Variants in H3-5 observed in about 807,000 individuals in gnomAD.
H3-5 encodes the protein H3.5 histone.
In H3-5, 9 loss-of-function variants were observed where a neutral mutation model predicts 8.8. The observed-to-expected ratio is 1.03, with a 90% CI of 0.62 to 1.79. The LOEUF (loss-of-function observed/expected upper bound fraction) is 1.79, where lower values mean the gene tolerates loss of function less well. Ranked by LOEUF, H3-5 falls within the 40% of genes most tolerant of loss-of-function variation. The pLI, the probability that H3-5 is intolerant of heterozygous loss-of-function variation, is 0.00. For synonymous variants in H3-5, 82 were observed against 76.1 expected (o/e 1.08, Z -0.40); for missense variants, 173 against 183.8 (o/e 0.94, Z 0.34).
In H3-5 at chr12:31,791,497, C is replaced by T. The variant is rs142261223; in HGVS notation, c.*262G>A. On this transcript the variant is annotated 3_prime_UTR_variant, in exon 1 of 1. Coordinates refer to ENST00000340398, the MANE Select transcript of H3-5 (RefSeq NM_001013699.3). ...GTACCTTAATAGCTACCCAACAAGT[C>T]ATTAACATACAGAAACATGCATCAT... is the stretch of plus-strand genomic sequence containing the variant. 1,926 of 546,466 alleles carry T rather than the reference C, an allele frequency of 3.5e-3. 28 individuals are homozygous for T. Among genetic ancestry groups the T allele is most frequent in the African/African-American group, 0.033 (1,738 of 52,856 alleles). 33.9% of individuals were successfully genotyped at this position (546,466 alleles called of 1,614,324 possible).
At position 31,792,130 on chromosome 12, in the gene H3-5, C is replaced by A; in HGVS notation, c.37G>T (p.Gly13Cys). The A allele has an allele frequency of 1.9e-6, 3 of 1,614,006 alleles. No homozygotes were observed. The highest frequency in any genetic ancestry group is 2.5e-6 in the Non-Finnish European group (3 of 1,179,992). Residue 13 changes from glycine to cysteine, a missense_variant, in exon 1 of 1, where the codon GGT becomes TGT. Gly to Cys is a radical substitution (Grantham distance 159). Coordinates refer to ENST00000340398, the MANE Select transcript of H3-5 (RefSeq NM_001013699.3). ...RTKQTARKST[G>C]GKAPRKQLAT... ...AGCTGTTTGCGGGGGGCTTTCCCAC[C>A]GGTGGATTTACGAGCAGTCTGCTTG...
At position 31,792,227 on chromosome 12, in the gene H3-5, G is replaced by T. The variant is rs753311535; in HGVS notation, c.-61C>A. The T allele has an allele frequency of 6.4e-7, 1 of 1,559,244 alleles. No homozygotes were observed. Among genetic ancestry groups the T allele is most frequent in the Non-Finnish European group, 8.7e-7 (1 of 1,151,398 alleles). Reference sequence around the variant, plus strand: ...CTCCGACCTCCGCGCTGCTTCCGCTGCCCGAGGAAGAGCCGCAGTCGCGAG... The same window carrying T: ...CTCCGACCTCCGCGCTGCTTCCGCTTCCCGAGGAAGAGCCGCAGTCGCGAG... On this transcript the variant is annotated 5_prime_UTR_variant, in exon 1 of 1. Transcript: ENST00000340398.
chr12:31,791,820 C>A lies in H3-5; in HGVS notation c.347G>T (p.Arg116Ile), dbSNP rs1465746571. The A allele has an allele frequency of 3.1e-6, 5 of 1,614,212 alleles. No individual in the cohort carries two copies. The highest frequency in any genetic ancestry group is 4.2e-6 in the Non-Finnish European group (5 of 1,180,046). The change falls in exon 1 of 1, where the codon AGA (arginine) becomes ATA (isoleucine). Residue 116 changes from arginine to isoleucine, a missense_variant. Arg to Ile is a moderately conservative substitution (Grantham distance 97). Coordinates refer to ENST00000340398, the MANE Select transcript of H3-5 (RefSeq NM_001013699.3). Reference protein sequence around the residue: ...DTNLCAIHAKRVTIMPKDIQL... With the variant: ...DTNLCAIHAKIVTIMPKDIQL... The stretch of plus-strand genomic sequence containing the variant: ...GATGTCTTTGGGCATGATGGTGACT[C>A]TCTTAGCGTGGATGGCACACAGGTT...
In H3-5 at chr12:31,792,051, T is replaced by C; in HGVS notation, c.116A>G (p.His39Arg). The change falls in exon 1 of 1, where the codon CAT (histidine) becomes CGT (arginine). Residue 39 changes from histidine to arginine, a missense_variant. By Grantham distance (29) the His-to-Arg change is conservative (BLOSUM62 0). Transcript: ENST00000340398. ...CGCCACGGTCCCAGGCCTGTAGCGA[T>C]GAGGCTTCACCCCGCAGGTAGAGGG... ...STPSTCGVKP[H>R]RYRPGTVALR... is the part of the protein sequence containing the mutation. 6.2e-7 allele frequency: 1 copy of C among 1,614,160 alleles called. No individual in the cohort carries two copies. The highest frequency in any genetic ancestry group is 8.5e-7 in the Non-Finnish European group (1 of 1,180,018).
At position 31,791,724 on chromosome 12, in the gene H3-5, A is replaced by G. The variant is rs753916059; in HGVS notation, c.*35T>C. ...CCAATTAAACCAAAGTATTTTACAGAATTTACTACAAAATGCCATAAAAAC... is the reference window on the plus strand; with the variant it reads ...CCAATTAAACCAAAGTATTTTACAGGATTTACTACAAAATGCCATAAAAAC... On this transcript the variant is annotated 3_prime_UTR_variant, in exon 1 of 1. Transcript: ENST00000340398. 6.2e-7 allele frequency: 1 copy of G among 1,600,280 alleles called. No homozygotes were observed. The highest frequency in any genetic ancestry group is 1.7e-5 in the Admixed American group (1 of 57,728).
rs780545925 is a variant in H3-5 at position 31,791,920 on chromosome 12, T to G, written c.247A>C (p.Arg83=). The G allele has an allele frequency of 3.3e-5, 53 of 1,613,998 alleles. No homozygotes were observed. Among genetic ancestry groups the G allele is most frequent in the Non-Finnish European group, 4.3e-5 (51 of 1,180,040 alleles). ...EIAQDFNTDL[R]FQSAAVGALQ... is the part of the protein sequence containing the mutation. ...GCACCGACGGCTGCGCTCTGAAACC[T>G]CAGGTCAGTGTTGAAATCCTGCGCG... The change falls in exon 1 of 1, where the codon AGG becomes CGG. Residue 83 remains arginine (R), a synonymous_variant. Coordinates refer to ENST00000340398, the MANE Select transcript of H3-5 (RefSeq NM_001013699.3).
rs368361217 is a variant in H3-5 at position 31,792,043 on chromosome 12, T to C, written c.124A>G (p.Arg42Gly). ...STCGVKPHRYRPGTVALREIR... is the reference protein window; with the variant it reads ...STCGVKPHRYGPGTVALREIR... ...TCTCGAAGCGCCACGGTCCCAGGCC[T>C]GTAGCGATGAGGCTTCACCCCGCAG... The change falls in exon 1 of 1, where the codon AGG becomes GGG. Residue 42 changes from arginine to glycine, a missense_variant. Arg to Gly is a moderately radical substitution (Grantham distance 125, BLOSUM62 -2). Coordinates refer to ENST00000340398, the MANE Select transcript of H3-5 (RefSeq NM_001013699.3). 6.2e-7 allele frequency: 1 copy of C among 1,614,086 alleles called. No homozygotes were observed. The highest frequency in any genetic ancestry group is 1.3e-5 in the African/African-American group (1 of 74,944).
chr12:31,792,055 G>T lies in H3-5; in HGVS notation c.112C>A (p.Pro38Thr). ...KSTPSTCGVK[P>T]HRYRPGTVAL... The stretch of plus-strand genomic sequence containing the variant: ...ACGGTCCCAGGCCTGTAGCGATGAG[G>T]CTTCACCCCGCAGGTAGAGGGGGTG... Residue 38 changes from proline (P) to threonine (T), a missense_variant, in exon 1 of 1, where the codon CCT (proline) becomes ACT (threonine). Pro to Thr is a conservative substitution (Grantham distance 38). Transcript: ENST00000340398. 1.2e-6 allele frequency: 2 copies of T among 1,614,200 alleles called. No homozygotes were observed. The highest frequency in any genetic ancestry group is 8.5e-7 in the Non-Finnish European group (1 of 1,180,040).
In H3-5 at chr12:31,791,766, C is replaced by G. The variant is rs1397564819; in HGVS notation, c.401G>C (p.Arg134Thr). ...CATAAAAACTGCCTTCACTTAAGCT[C>G]TCTCTCCCCGTATCCGGCGAGCCAA... is the stretch of plus-strand genomic sequence containing the variant. ...IQLARRIRGERA is the reference protein window; with the variant it reads ...IQLARRIRGETA Residue 134 changes from arginine (R) to threonine (T), a missense_variant, in exon 1 of 1, where the codon AGA becomes ACA. Physicochemically the swap from Arg to Thr is moderately conservative, Grantham distance 71. Coordinates refer to ENST00000340398, the MANE Select transcript of H3-5 (RefSeq NM_001013699.3). The G allele has an allele frequency of 4.3e-6, 7 of 1,613,900 alleles. No homozygotes were observed. The highest frequency in any genetic ancestry group is 5.9e-6 in the Non-Finnish European group (7 of 1,179,940).
In H3-5 at chr12:31,792,195, G is replaced by C; in HGVS notation, c.-29C>G. On this transcript the variant is annotated 5_prime_UTR_variant, in exon 1 of 1. Coordinates refer to ENST00000340398, the MANE Select transcript of H3-5 (RefSeq NM_001013699.3). ...CTTTCACCCAACGCCGAAGTTTTAG[G>C]CCACTTCTCCGACCTCCGCGCTGCT... The C allele has an allele frequency of 6.2e-7, 1 of 1,602,258 alleles. No individual in the cohort carries two copies. Among genetic ancestry groups the C allele is most frequent in the Non-Finnish European group, 8.5e-7 (1 of 1,172,840 alleles).
Position 31,792,296 on chromosome 12 carries a change from G to A in H3-5, c.-130C>T. 4 of 1,039,558 alleles carry A rather than the reference G, an allele frequency of 3.8e-6. No homozygotes were observed. Among genetic ancestry groups the A allele is most frequent in the African/African-American group, 1.6e-5 (1 of 62,162 alleles). The allele number at this position is 1,039,558 out of a possible 1,614,324, so 64.4% of individuals were successfully genotyped here. ...CCAACGAACGACCAAACCGCTCTGC[G>A]CCCTCCTCTCTTTTATCTGCATCCC... On this transcript the variant is annotated 5_prime_UTR_variant, in exon 1 of 1. Transcript: ENST00000340398.
At position 31,791,825 on chromosome 12, in the gene H3-5, A is replaced by G; in HGVS notation, c.342T>C (p.Ala114=). ...CTTTGGGCATGATGGTGACTCTCTT[A>G]GCGTGGATGGCACACAGGTTAGTAT... ...LEDTNLCAIH[A]KRVTIMPKDI... Residue 114 remains alanine, a synonymous_variant, in exon 1 of 1, where the codon GCT becomes GCC. Transcript: ENST00000340398. 10 of 1,614,134 alleles carry G rather than the reference A, an allele frequency of 6.2e-6. No homozygotes were observed. Among genetic ancestry groups the G allele is most frequent in the Non-Finnish European group, 7.6e-6 (9 of 1,180,022 alleles).
In H3-5 at chr12:31,792,099, G is replaced by A; in HGVS notation, c.68C>T (p.Thr23Met). The A allele has an allele frequency of 1.2e-6, 2 of 1,614,080 alleles. No homozygotes were observed. Among genetic ancestry groups the A allele is most frequent in the Non-Finnish European group, 1.7e-6 (2 of 1,180,006 alleles). The change falls in exon 1 of 1, where the codon ACG (threonine) becomes ATG (methionine). Residue 23 changes from threonine to methionine, a missense_variant. Physicochemically the swap from Thr to Met is moderately conservative, Grantham distance 81. Coordinates refer to ENST00000340398, the MANE Select transcript of H3-5 (RefSeq NM_001013699.3). ...GGGGGTGCTTTTCCTGGCAGCTTTC[G>A]TGGCCAGCTGTTTGCGGGGGGCTTT... ...GGKAPRKQLATKAARKSTPST... is the reference protein window; with the variant it reads ...GGKAPRKQLAMKAARKSTPST...
rs1940984281 is a variant in H3-5 at position 31,792,132 on chromosome 12, GT to G, written c.34del (p.Thr12ProfsTer25). 8.7e-6 allele frequency: 14 copies of G among 1,613,994 alleles called. No homozygotes were observed. The Admixed American group carries it at 2.0e-4, about 23-fold the overall frequency. ...CTGTTTGCGGGGGGCTTTCCCACCG[GT>G]GGATTTACGAGCAGTCTGCTTGGTT... ...ARTKQTARKSTGGKAPRKQLA... is the reference protein window; with the variant it reads ...ARTKQTARKSXGGKAPRKQLA... On this transcript the variant is annotated frameshift_variant, in exon 1 of 1. Transcript: ENST00000340398. LOFTEE classifies it high-confidence loss of function.
In H3-5 at chr12:31,792,064, C is replaced by T. The variant is rs748979871; in HGVS notation, c.103G>A (p.Gly35Arg). The T allele has an allele frequency of 3.3e-5, 54 of 1,614,050 alleles. No homozygotes were observed. The highest frequency in any genetic ancestry group is 4.4e-5 in the Non-Finnish European group (52 of 1,180,028). ...GGCCTGTAGCGATGAGGCTTCACCC[C>T]GCAGGTAGAGGGGGTGCTTTTCCTG... ...AARKSTPSTC[G>R]VKPHRYRPGT... The change falls in exon 1 of 1, where the codon GGG becomes AGG. Residue 35 changes from glycine (G) to arginine (R), a missense_variant. Transcript: ENST00000340398.
In H3-5 at chr12:31,791,981, G is replaced by C. The variant is rs995848674; in HGVS notation, c.186C>G (p.Ile62Met). 8.7e-6 allele frequency: 14 copies of C among 1,614,200 alleles called. No homozygotes were observed. The highest frequency in any genetic ancestry group is 1.2e-5 in the Non-Finnish European group (14 of 1,180,040). The stretch of plus-strand genomic sequence containing the variant: ...CCAACCTCTGGAAGGGCAGCTTCCG[G>C]ATGAGCAGCTCGGTCGACTTCTGAT... Reference protein sequence around the residue: ...RRYQKSTELLIRKLPFQRLVR... With the variant: ...RRYQKSTELLMRKLPFQRLVR... The change falls in exon 1 of 1, where the codon ATC (isoleucine) becomes ATG (methionine). Residue 62 changes from isoleucine (I) to methionine (M), a missense_variant. By Grantham distance (10) the Ile-to-Met change is conservative. Transcript: ENST00000340398.
rs764152739 is a variant in H3-5 at position 31,792,114 on chromosome 12, C to T, written c.53G>A (p.Arg18His). 63 of 1,613,930 alleles carry T rather than the reference C, an allele frequency of 3.9e-5. No individual in the cohort carries two copies. In the Admixed American group the frequency reaches 5.0e-4, roughly 13 times the overall value. ...ARKSTGGKAP[R>H]KQLATKAARK... Reference sequence around the variant, plus strand: ...GGCAGCTTTCGTGGCCAGCTGTTTGCGGGGGGCTTTCCCACCGGTGGATTT... The same window carrying T: ...GGCAGCTTTCGTGGCCAGCTGTTTGTGGGGGGCTTTCCCACCGGTGGATTT... Residue 18 changes from arginine (R) to histidine (H), a missense_variant, in exon 1 of 1, where the codon CGC becomes CAC. Coordinates refer to ENST00000340398, the MANE Select transcript of H3-5 (RefSeq NM_001013699.3).
Position 31,791,914 on chromosome 12 carries a change from GA to G in H3-5, c.252del (p.Gln85ArgfsTer53). ...TGCAGCGCACCGACGGCTGCGCTCT[GA>G]AACCTCAGGTCAGTGTTGAAATCCT... ...IAQDFNTDLR[F>X]QSAAVGALQE... On this transcript the variant is annotated frameshift_variant, in exon 1 of 1. Transcript: ENST00000340398. LOFTEE classifies it high-confidence loss of function. 1.9e-6 allele frequency: 3 copies of G among 1,614,168 alleles called. No individual in the cohort carries two copies. The highest frequency in any genetic ancestry group is 2.5e-6 in the Non-Finnish European group (3 of 1,180,046).
In H3-5 at chr12:31,791,564, A is replaced by G. The variant is rs994687534; in HGVS notation, c.*195T>C. 1.1e-5 allele frequency: 7 copies of G among 662,000 alleles called. No individual in the cohort carries two copies. Among genetic ancestry groups the G allele is most frequent in the South Asian group, 2.0e-5 (1 of 50,272 alleles). The allele number at this position is 662,000 out of a possible 1,614,324, so 41.0% of individuals were successfully genotyped here. A position where few individuals can be genotyped will look rare whatever the true frequency, so the allele number is the denominator to read the frequency against. Reference sequence around the variant, plus strand: ...CACGCATCCGTTTTGCATATTAACAACTTGTCACTCCTGAGCAACAGTGCT... The same window carrying G: ...CACGCATCCGTTTTGCATATTAACAGCTTGTCACTCCTGAGCAACAGTGCT... On this transcript the variant is annotated 3_prime_UTR_variant, in exon 1 of 1. Transcript: ENST00000340398.
Sources: gnomAD v4.1 joint callset for allele counts on GRCh38, gnomAD v4.1.1 for gene constraint, MANE v1.5 for transcripts, NCBI Gene and HGNC (gene_info 2026-07-23, HGNC 2026-07-21) for gene names.